The following RIMKLA variants were observed in gnomAD, a reference collection of about 807,000 sequenced individuals.
RIMKLA encodes ribosomal modification protein rimK like family member A.
RIMKLA carries 14 observed loss-of-function variants against 32.7 expected under a neutral mutation model. The ratio of observed to expected loss-of-function variants is 0.43; its 90% CI spans 0.28 to 0.67. The LOEUF is 0.67. Ranked by LOEUF, RIMKLA falls within the 30% of genes least tolerant of loss-of-function variation. The probability of loss-of-function intolerance (pLI) is 0.18; values close to 1 mark genes in which losing one functional copy is unlikely to be tolerated. For missense variants in RIMKLA, 410 were observed against 519.0 expected (o/e 0.79, Z 2.04); for synonymous variants, 176 against 204.1 (o/e 0.86, Z 1.18).
intron 1 of RIMKLA, among the ~76,000 whole-genome samples, chr1:42,388,940 G>A (rs1642974227): frequency 1.3e-5 from 2 of 152,194 alleles, no homozygotes; most frequent in South Asian, 4.1e-4. Context: ...TTGCTTAGGA[G>A]GTTATTGCTA....
intron 1 of RIMKLA, among the ~76,000 whole-genome samples, chr1:42,392,829 A>C (rs1337266165): frequency 6.6e-6 from 1 of 152,100 alleles, no homozygotes; most frequent in African/African-American, 2.4e-5. Flanking sequence ...CCGTCTCTAC[A>C]AAAAATACAA....
chr1:42,385,846 CTTTCTTTCTTTCTTTCTT>C lies in RIMKLA; in HGVS notation c.163+4751_163+4768del, dbSNP rs1557749945. ...TTCCTTCCTTTCTTTCTTTCTTTCT[CTTTCTTTCTTTCTTTCTT>C]TCTTTCTTTCTTTCTTTCTTTCTTT... On this transcript the variant is annotated intron_variant, in intron 1 of 4. Transcript: ENST00000431473. 1.9e-4 allele frequency among the ~76,000 whole-genome samples: 2 copies of C among 10,804 alleles called. 1 individual carries two copies. Among genetic ancestry groups the C allele is most frequent in the Non-Finnish European group, 6.8e-4 (2 of 2,936 alleles). 7.1% of individuals were successfully genotyped at this position (10,804 alleles called of 152,430 possible). A position where few individuals can be genotyped will look rare whatever the true frequency, so the allele number is the denominator to read the frequency against.
At position 42,390,438 on chromosome 1, in the gene RIMKLA, C is replaced by T. The variant is rs1570317200; in HGVS notation, c.164-8966C>T. Among the ~76,000 whole-genome samples, 3 of 152,230 alleles carry T rather than the reference C, an allele frequency of 2.0e-5. No individual in the cohort carries two copies. In the South Asian group the frequency reaches 6.2e-4, roughly 32 times the overall value. ...AAATTGGTGATGTAGGAGAGACAGGCAAATGGCAGGAGCAGTGCTTTAAGT... is the reference window on the plus strand; with the variant it reads ...AAATTGGTGATGTAGGAGAGACAGGTAAATGGCAGGAGCAGTGCTTTAAGT... On this transcript the variant is annotated intron_variant, in intron 1 of 4. Coordinates refer to ENST00000431473, the MANE Select transcript of RIMKLA (RefSeq NM_173642.4).
At position 42,399,447 on chromosome 1, in the gene RIMKLA, G is replaced by T. The variant is rs1350411063; in HGVS notation, c.207G>T (p.Val69=). ...NQKALTTFPD[V]VLVRVPTPSV... ...AGGCCCTCACCACTTTCCCGGATGT[G>T]GTGCTTGTACGGGTACCCACACCCT... The change falls in exon 2 of 5, where the codon GTG becomes GTT. Residue 69 remains valine, a synonymous_variant. Transcript: ENST00000431473. The T allele has an allele frequency of 6.2e-7, 1 of 1,612,944 alleles. No homozygotes were observed.
intron 3 of RIMKLA, among the ~76,000 whole-genome samples, chr1:42,408,824 G>GA (rs1643171116): frequency 6.6e-6 from 1 of 152,178 alleles, no homozygotes; most frequent in Admixed American, 6.5e-5. Flanking sequence ...TTGCTGAAAA[G>GA]AATGTTCAGA....
chr1:42,394,741 T>C, intron 1 of RIMKLA, among the ~76,000 whole-genome samples: 1 of 147,742 alleles, frequency 6.8e-6, no homozygotes, highest in South Asian at 2.1e-4. Context: ...TTATGAAGAT[T>C]TTTTTTTTTT....
At chr1:42,409,447 C>T (rs1431039271) in intron 3 of RIMKLA, among the ~76,000 whole-genome samples, 1 of 152,200 alleles carries the variant, frequency 6.6e-6, no homozygotes, top group Non-Finnish European at 1.5e-5. Flanking sequence ...GCATAGACCT[C>T]TGTTGATGTT....
intron 1 of RIMKLA, among the ~76,000 whole-genome samples, chr1:42,381,650 C>T (rs1294293874): frequency 6.6e-6 from 1 of 151,980 alleles, no homozygotes; most frequent in Non-Finnish European, 1.5e-5. Context: ...GAGTGTAGAC[C>T]TTTGATGGGT....
At chr1:42,390,322 G>A (rs1557751695) in intron 1 of RIMKLA, among the ~76,000 whole-genome samples, 1 of 152,192 alleles carries the variant, frequency 6.6e-6, no homozygotes, top group Non-Finnish European at 1.5e-5. Flanking sequence ...ACAGGCGTGA[G>A]CCACCGTGCC....
intron 4 of RIMKLA, among the ~76,000 whole-genome samples, chr1:42,413,501 C>CAAAAAA (rs201462707): frequency 8.0e-6 from 1 of 125,576 alleles, no homozygotes. Context: ...AAGAGTCTCT[C>CAAAAAA]AAAAAAAAAA....
In RIMKLA at chr1:42,385,314, C is replaced by A. The variant is rs144341372; in HGVS notation, c.163+4217C>A. On this transcript the variant is annotated intron_variant, in intron 1 of 4. Transcript: ENST00000431473. ...CAGATTCACTAGGAAGAATTAAGTT[C>A]TTTGCCCACCCACAGGTCTGTATGA... Among the ~76,000 whole-genome samples, 725 of 152,188 alleles carry A rather than the reference C, an allele frequency of 4.8e-3. 6 individuals are homozygous for A. The highest frequency in any genetic ancestry group is 0.017 in the African/African-American group (707 of 41,514).
At chr1:42,412,216 T>C (rs975761725) in intron 4 of RIMKLA, among the ~76,000 whole-genome samples, 1 of 152,224 alleles carries the variant, frequency 6.6e-6, no homozygotes, top group African/African-American at 2.4e-5. Context: ...ATACAATTCT[T>C]AAATCTTTCC....
intron 3 of RIMKLA, 41 bp downstream of exon 3, chr1:42,404,638 AC>A (rs1162254177): frequency 7.8e-7 from 1 of 1,282,588 alleles, no homozygotes; most frequent in Admixed American, 1.7e-5. Flanking sequence ...TAATCAGCCC[AC>A]TAGGGCTGCT....
intron 1 of RIMKLA, among the ~76,000 whole-genome samples, chr1:42,384,156 G>A (rs57467464): frequency 0.011 from 1,644 of 152,146 alleles, 25 homozygotes; most frequent in African/African-American, 0.038. Context: ...TAGAGTTTCA[G>A]GTTATATCTG....
At chr1:42,393,761 G>C (rs1187075226) in intron 1 of RIMKLA, among the ~76,000 whole-genome samples, 1 of 152,116 alleles carries the variant, frequency 6.6e-6, no homozygotes, top group Non-Finnish European at 1.5e-5. Context: ...AATCTGAAGT[G>C]CTAAGTGGAT....
intron 1 of RIMKLA, among the ~76,000 whole-genome samples, chr1:42,391,005 T>G (rs538320558): frequency 1.2e-4 from 18 of 152,232 alleles, no homozygotes; most frequent in African/African-American, 3.4e-4. Context: ...GAAAAGATGG[T>G]GGTACCCGTG....
chr1:42,383,240 A>G (rs527445549), intron 1 of RIMKLA, among the ~76,000 whole-genome samples: 1 of 152,288 alleles, frequency 6.6e-6, no homozygotes, highest in Non-Finnish European at 1.5e-5. Context: ...TCGATGGAGA[A>G]ATTGAAGACA....
chr1:42,407,550 A>G (rs889184785), intron 3 of RIMKLA, among the ~76,000 whole-genome samples: 6 of 152,170 alleles, frequency 3.9e-5, no homozygotes, highest in African/African-American at 1.4e-4. Context: ...GTGGATATCC[A>G]GTTTTCCCAG....
At chr1:42,386,433 C>G (rs923941638) in intron 1 of RIMKLA, among the ~76,000 whole-genome samples, 5 of 152,070 alleles carry the variant, frequency 3.3e-5, no homozygotes, top group Non-Finnish European at 5.9e-5. Flanking sequence ...CTCACTCCAG[C>G]CGCTTCCCTG....
Sources: allele counts gnomAD v4.1 joint callset (sites outside exome capture counted in the v4.1 genomes callset), GRCh38; gene constraint gnomAD v4.1.1; transcripts MANE v1.5; gene names NCBI Gene and HGNC (gene_info 2026-07-23, HGNC 2026-07-21).